NHSL2: variants seen among roughly 807,000 people sequenced by gnomAD.
NHSL2 encodes the protein NHS-like protein 2.
In NHSL2, 27 loss-of-function variants were observed where a neutral mutation model predicts 53.4. The observed-to-expected ratio is 0.51, with a 90% confidence interval of 0.37 to 0.70. NHSL2 has a LOEUF of 0.70. NHSL2 is among the 30% of genes least tolerant of loss of function. The probability of loss-of-function intolerance (pLI) is 0.00; values close to 1 mark genes in which losing one functional copy is unlikely to be tolerated. For synonymous variants in NHSL2, 408 were observed against 404.1 expected (o/e 1.01, Z -0.12); for missense variants, 892 against 980.1 (o/e 0.91, Z 1.20).
intron 1 of NHSL2, among the ~76,000 whole-genome samples, chrX:71,998,645 T>C (rs753152202): frequency 8.9e-6 from 1 of 111,845 alleles, no homozygotes; most frequent in South Asian, 3.7e-4. Context: ...GTTCTGGCAT[T>C]AGTTGTCCTC....
At chrX:71,972,600 T>C (rs1054978036) in intron 1 of NHSL2, among the ~76,000 whole-genome samples, 2 of 111,850 alleles carry the variant, frequency 1.8e-5, no homozygotes, top group African/African-American at 6.5e-5. Context: ...TGGGCGTGGA[T>C]CTCTTTGTCT....
chrX:71,986,545 T>C (rs2042003710), intron 1 of NHSL2, among the ~76,000 whole-genome samples: 1 of 112,405 alleles, frequency 8.9e-6, no homozygotes. Flanking sequence ...CTTTTCATAT[T>C]ATGTAAAAAT....
chrX:72,035,162 G>A (rs1324713123), intron 1 of NHSL2, among the ~76,000 whole-genome samples: 3 of 111,922 alleles, frequency 2.7e-5, no homozygotes, highest in African/African-American at 9.7e-5. Context: ...TGATTCATGG[G>A]TTGTTTAGAA....
At chrX:72,023,465 G>T (rs1441009506) in intron 1 of NHSL2, among the ~76,000 whole-genome samples, 1 of 112,783 alleles carries the variant, frequency 8.9e-6, no homozygotes. Flanking sequence ...AATATTTCCA[G>T]TTGTTACCTG....
intron 1 of NHSL2, among the ~76,000 whole-genome samples, chrX:72,053,927 C>T (rs2042354270): frequency 1.8e-5 from 2 of 111,956 alleles, no homozygotes; most frequent in South Asian, 3.7e-4. Flanking sequence ...AGAACCTGAG[C>T]TTGGGATAGA....
rs1283900095 is a variant in NHSL2 at position 72,148,993 on chromosome X, T to C, written c.*5419T>C. 2 of 110,460 alleles carry C rather than the reference T, an allele frequency of 1.8e-5. No homozygotes were observed. The highest frequency in any genetic ancestry group is 6.6e-5 in the African/African-American group (2 of 30,314). 9.1% of individuals were successfully genotyped at this position (110,460 alleles called of 1,213,427 possible). ...GGCTCTCATCATAAGGACCAGTCTC[T>C]GGCCAAGAGGTGTATATTGTTATCT... On this transcript the variant is annotated 3_prime_UTR_variant, in exon 8 of 8. Transcript: ENST00000633930.
chrX:72,013,438 C>T (rs1301813126), intron 1 of NHSL2, among the ~76,000 whole-genome samples: 2 of 111,395 alleles, frequency 1.8e-5, no homozygotes. Context: ...CTTGTAGATT[C>T]CTTGGGATTT....
chrX:71,992,233 A>G (rs756469275), intron 1 of NHSL2, among the ~76,000 whole-genome samples: 4 of 112,726 alleles, frequency 3.5e-5, no homozygotes, highest in African/African-American at 1.3e-4. Flanking sequence ...AAATGGCTGC[A>G]GTCACTGGGT....
chrX:71,932,549 A>G (rs1291429158), intron 1 of NHSL2, among the ~76,000 whole-genome samples: 1 of 111,736 alleles, frequency 8.9e-6, no homozygotes, highest in Non-Finnish European at 1.9e-5. Flanking sequence ...AGGGAGGGCT[A>G]GATGAAGGTG....
chrX:71,987,197 C>T lies in NHSL2; in HGVS notation c.280+75830C>T, dbSNP rs183618229. Among the ~76,000 whole-genome samples, 67 of 109,830 alleles carry T rather than the reference C, an allele frequency of 6.1e-4. 2 individuals carry two copies. The highest frequency in any genetic ancestry group is 4.6e-3 in the Admixed American group (48 of 10,340). On this transcript the variant is annotated intron_variant, in intron 1 of 7. Coordinates refer to ENST00000633930, the MANE Select transcript of NHSL2 (RefSeq NM_001013627.3). The stretch of plus-strand genomic sequence containing the variant: ...CTGCACTCCAGCCTGGGCGACAGAG[C>T]GAGACTCCGTATCAAAAAAAAAAGA...
At chrX:71,967,364 G>A (rs1026700129) in intron 1 of NHSL2, among the ~76,000 whole-genome samples, 2 of 111,086 alleles carry the variant, frequency 1.8e-5, no homozygotes, top group Non-Finnish European at 3.8e-5. Context: ...ATTTTCCAAA[G>A]GTGGAAGCTT....
At chrX:72,105,828 T>TA (rs1251077698) in intron 1 of NHSL2, among the ~76,000 whole-genome samples, 1 of 112,452 alleles carries the variant, frequency 8.9e-6, no homozygotes, top group Non-Finnish European at 1.9e-5. Flanking sequence ...TTCATGTCCT[T>TA]ACGCCAAAAA....
intron 1 of NHSL2, among the ~76,000 whole-genome samples, chrX:71,929,878 C>A (rs149397110): frequency 8.4e-4 from 93 of 110,730 alleles, no homozygotes; most frequent in African/African-American, 3.0e-3. Context: ...CCTCAGCCTC[C>A]CGAGTAGCTA....
chrX:71,998,160 T>C (rs1327451918), intron 1 of NHSL2, among the ~76,000 whole-genome samples: 1 of 112,255 alleles, frequency 8.9e-6, no homozygotes, highest in East Asian at 2.8e-4. Context: ...ATTTCACAAA[T>C]ACTCCTAAGG....
At chrX:71,933,820 C>G (rs961628343) in intron 1 of NHSL2, among the ~76,000 whole-genome samples, 2 of 111,532 alleles carry the variant, frequency 1.8e-5, no homozygotes, top group East Asian at 5.6e-4. Context: ...TTTTGGCCAG[C>G]TTGGTTCACC....
In NHSL2 at chrX:72,117,131, C is replaced by G. The variant is rs184742764; in HGVS notation, c.281-14948C>G. 4.3e-3 allele frequency among the ~76,000 whole-genome samples: 474 copies of G among 109,704 alleles called. 2 individuals are homozygous for G. Among genetic ancestry groups the G allele is most frequent in the Non-Finnish European group, 7.4e-3 (390 of 52,692 alleles). On this transcript the variant is annotated intron_variant, in intron 1 of 7. Transcript: ENST00000633930. ...TGAAACTTCACATAGGCATGCTACTCTCAGCCCTATTTTCCCCTTTAAACT... is the reference window on the plus strand; with the variant it reads ...TGAAACTTCACATAGGCATGCTACTGTCAGCCCTATTTTCCCCTTTAAACT...
chrX:71,972,686 C>G (rs748693949), intron 1 of NHSL2, among the ~76,000 whole-genome samples: 5 of 111,720 alleles, frequency 4.5e-5, no homozygotes, highest in Non-Finnish European at 7.5e-5. Flanking sequence ...TTGTTTGAAG[C>G]CAGTATTTCA....
chrX:72,085,178 C>T (rs1361622216), intron 1 of NHSL2, among the ~76,000 whole-genome samples: 1 of 111,618 alleles, frequency 9.0e-6, no homozygotes, highest in Non-Finnish European at 1.9e-5. Flanking sequence ...AGTCAGACCC[C>T]CCTGGCTGGG....
chrX:72,117,619 C>T (rs1202613813), intron 1 of NHSL2, among the ~76,000 whole-genome samples: 1 of 110,034 alleles, frequency 9.1e-6, no homozygotes, highest in Non-Finnish European at 1.9e-5. Context: ...CAGCCCTAGG[C>T]AACCACTAAT....
Sources: allele counts gnomAD v4.1 joint callset (sites outside exome capture counted in the v4.1 genomes callset), GRCh38; gene constraint gnomAD v4.1.1; transcripts MANE v1.5; gene names NCBI Gene and HGNC (gene_info 2026-07-23, HGNC 2026-07-21).